ESRRG: variants seen among roughly 807,000 people sequenced by gnomAD.
The protein encoded by ESRRG is estrogen-related receptor gamma.
ESRRG carries 13 observed loss-of-function variants against 44.0 expected under a neutral mutation model. The observed-to-expected ratio is 0.30, with a 90% CI of 0.19 to 0.47. ESRRG has a LOEUF of 0.47. Among genes scored for constraint, ESRRG ranks in the 20% least tolerant of loss-of-function variants. The pLI is 1.00. For missense variants in ESRRG, 395 were observed against 580.6 expected (o/e 0.68, Z 3.29); for synonymous variants, 215 against 214.6 (o/e 1.00, Z -0.02).
chr1:216,701,634 C>T (rs2081409265), intron 1 of ESRRG: 1 of 152,228 alleles, frequency 6.6e-6, no homozygotes, highest in African/African-American at 2.4e-5. Context: ...GTCTTCAGTG[C>T]TTAAGTAAAT....
At chr1:216,835,670 G>C (rs1332332227) in intron 2 of ESRRG, among the ~76,000 whole-genome samples, 1 of 152,180 alleles carries the variant, frequency 6.6e-6, no homozygotes, top group African/African-American at 2.4e-5. Flanking sequence ...GAGGAGAGAA[G>C]ATGCCTAAAC....
At chr1:217,124,136 C>T (rs564704396) in intron 1 of ESRRG, among the ~76,000 whole-genome samples, 19 of 152,256 alleles carry the variant, frequency 1.2e-4, no homozygotes, top group Admixed American at 3.9e-4. Flanking sequence ...TGTAAGCTCC[C>T]TGAAGGCAGC....
chr1:216,611,358 C>T (rs2060640611), intron 3 of ESRRG, among the ~76,000 whole-genome samples: 1 of 151,852 alleles, frequency 6.6e-6, no homozygotes, highest in Non-Finnish European at 1.5e-5. Context: ...CCTAGAGTAG[C>T]CTGAAGACCT....
chr1:216,702,434 G>A (rs1438713255), intron 1 of ESRRG, among the ~76,000 whole-genome samples: 2 of 151,906 alleles, frequency 1.3e-5, no homozygotes. Context: ...ACAAATACAT[G>A]TTTTATGTGA....
chr1:217,066,954 G>A (rs2151415080), intron 1 of ESRRG, among the ~76,000 whole-genome samples: 1 of 152,298 alleles, frequency 6.6e-6, no homozygotes, highest in South Asian at 2.1e-4. Context: ...TCTCACCAAG[G>A]ATTTCACTTA....
At chr1:217,111,084 C>T (rs2092656855) in intron 1 of ESRRG, among the ~76,000 whole-genome samples, 1 of 152,138 alleles carries the variant, frequency 6.6e-6, no homozygotes, top group Non-Finnish European at 1.5e-5. Context: ...TGCAGCCATA[C>T]AAGAAAATGT....
intron 2 of ESRRG, among the ~76,000 whole-genome samples, chr1:216,837,245 T>C (rs1388059716): frequency 6.6e-6 from 1 of 151,702 alleles, no homozygotes; most frequent in Non-Finnish European, 1.5e-5. Flanking sequence ...GTGTCTCTAC[T>C]AAAAATACAA....
chr1:216,782,351 A>T (rs1467794893), intron 2 of ESRRG, among the ~76,000 whole-genome samples: 3 of 151,984 alleles, frequency 2.0e-5, no homozygotes, highest in African/African-American at 7.2e-5. Flanking sequence ...TGGGGTGATA[A>T]GTATTTTCTC....
At chr1:216,516,624 A>AAC (rs566316735) in intron 6 of ESRRG, among the ~76,000 whole-genome samples, 6 of 71,440 alleles carry the variant, frequency 8.4e-5, no homozygotes, top group Admixed American at 3.9e-4. Context: ...GGAATTCCTA[A>AAC]ACACACACAC....
At chr1:216,686,623 A>T (rs376910849) in intron 1 of ESRRG, among the ~76,000 whole-genome samples, 15 of 145,432 alleles carry the variant, frequency 1.0e-4, no homozygotes, top group African/African-American at 3.7e-4. Flanking sequence ...CATTCTAAAA[A>T]ATCAACTAAA....
intron 1 of ESRRG, among the ~76,000 whole-genome samples, chr1:216,695,465 A>T (rs897065853): frequency 6.6e-6 from 1 of 152,312 alleles, no homozygotes; most frequent in Non-Finnish European, 1.5e-5. Flanking sequence ...ATGATTTCAT[A>T]CAACTTCATG....
chr1:217,096,683 A>G (rs192396298), intron 1 of ESRRG, among the ~76,000 whole-genome samples: 3 of 152,272 alleles, frequency 2.0e-5, no homozygotes, highest in Admixed American at 2.0e-4. Flanking sequence ...TGTCCTCCCC[A>G]TGACAGCCCA....
At chr1:216,568,198 C>T (rs576467145) in intron 3 of ESRRG, 100 bp from the exon 4 acceptor site, 2 of 812,754 alleles carry the variant, frequency 2.5e-6, no homozygotes, top group East Asian at 5.0e-5. Flanking sequence ...AGGTGACAAA[C>T]AGTAGAATGC....
chr1:216,606,011 C>A (rs1346904234), intron 3 of ESRRG, among the ~76,000 whole-genome samples: 3 of 151,996 alleles, frequency 2.0e-5, no homozygotes, highest in African/African-American at 7.2e-5. Context: ...AAGCTAAAAC[C>A]AAAGAAAGAT....
chr1:216,522,759 C>G (rs1173844303), intron 5 of ESRRG, among the ~76,000 whole-genome samples: 16 of 152,094 alleles, frequency 1.1e-4, no homozygotes, highest in Admixed American at 1.0e-3. Context: ...GTATAAAATT[C>G]TAAATAACCA....
intron 1 of ESRRG, among the ~76,000 whole-genome samples, chr1:216,685,245 T>A (rs2077714085): frequency 7.0e-6 from 1 of 142,776 alleles, no homozygotes; most frequent in Non-Finnish European, 1.6e-5. Flanking sequence ...CTATGAGATT[T>A]TATAAAAAAA....
rs547927194 is a variant in ESRRG, at chr1:216,658,445, C to T, written c.473-7356G>A. Among the ~76,000 whole-genome samples the T allele has an allele frequency of 2.0e-5, 3 of 152,050 alleles. No individual in the cohort carries two copies. In the South Asian group the frequency reaches 6.2e-4, roughly 32 times the overall value. On this transcript the variant is annotated intron_variant, in intron 2 of 6. Coordinates refer to ENST00000408911, the MANE Select transcript of ESRRG (RefSeq NM_001438.4). ...ATTTTAGGACAAAATTTTTGTATGT[C>T]CATTCTATGTCAATCTTTAGCATAT...
chr1:216,706,570 T>A (rs2082495557), intron 1 of ESRRG, among the ~76,000 whole-genome samples: 2 of 152,144 alleles, frequency 1.3e-5, no homozygotes, highest in African/African-American at 4.8e-5. Flanking sequence ...GCATTGCATA[T>A]CACTTGCAAT....
At chr1:217,082,710 C>T (rs1019716504) in intron 1 of ESRRG, among the ~76,000 whole-genome samples, 3 of 151,842 alleles carry the variant, frequency 2.0e-5, no homozygotes, top group African/African-American at 7.3e-5. Flanking sequence ...CAACTGCTTC[C>T]GTTTTTCCTT....
Sources: gnomAD v4.1 joint callset for allele counts (sites outside exome capture counted in the v4.1 genomes callset) on GRCh38, gnomAD v4.1.1 for gene constraint, MANE v1.5 for transcripts, NCBI Gene and HGNC (gene_info 2026-07-23, HGNC 2026-07-21) for gene names.